Variants in KCNA6 observed in about 807,000 individuals in gnomAD.
KCNA6 encodes the protein potassium voltage-gated channel subfamily A member 6.
Under a neutral mutation model 29.5 loss-of-function variants are expected in KCNA6, and 17 were observed. That is an observed-to-expected ratio of 0.58 (90% CI 0.39 to 0.86). The LOEUF (loss-of-function observed/expected upper bound fraction) is 0.86. Among genes scored for constraint, KCNA6 ranks in the 40% least tolerant of loss-of-function variants. The pLI, the probability that KCNA6 is intolerant of heterozygous loss-of-function variation, is 0.00. For missense variants in KCNA6, 450 were observed against 703.4 expected, an observed-to-expected ratio of 0.64 and a Z score of 4.07; for synonymous variants, 296 against 304.7, an observed-to-expected ratio of 0.97 and a Z score of 0.30.
the KCNA6 span, among the ~76,000 whole-genome samples, chr12:4,821,193 TGGTTGAGCCATAAATCAGCC>T: frequency 2.0e-5 from 3 of 152,042 alleles, no homozygotes; most frequent in Non-Finnish European, 2.9e-5. Context: ...GAAGGCCTGG[TGGTTGAGCCATAAATCAGCC>T]AGGCACTCCC....
the KCNA6 span, among the ~76,000 whole-genome samples, chr12:4,824,400 T>C: frequency 0.04 from 6,149 of 152,298 alleles, 282 homozygotes; most frequent in East Asian, 0.22. Flanking sequence ...GTGACCATGA[T>C]TCAGGTATTA....
At chr12:4,825,467 C>T in the KCNA6 span, among the ~76,000 whole-genome samples, 1 of 152,288 alleles carries the variant, frequency 6.6e-6, no homozygotes, top group African/African-American at 2.4e-5. Context: ...ATAGTAATGT[C>T]TGCTCACATA....
the KCNA6 span, among the ~76,000 whole-genome samples, chr12:4,828,558 A>G: frequency 1.1e-4 from 17 of 152,374 alleles, no homozygotes; most frequent in East Asian, 3.1e-3. Flanking sequence ...TTTCTCACCT[A>G]TAGTAAAACA....
the KCNA6 span, among the ~76,000 whole-genome samples, chr12:4,826,329 C>G: frequency 3.5e-4 from 54 of 152,348 alleles, no homozygotes; most frequent in African/African-American, 1.1e-3. Flanking sequence ...CTGCTCCTCA[C>G]CAACTGGTCC....
chr12:4,830,817 G>C, the KCNA6 span, among the ~76,000 whole-genome samples: 1 of 152,238 alleles, frequency 6.6e-6, no homozygotes, highest in Non-Finnish European at 1.5e-5. Context: ...GGCAATGCGG[G>C]CAGGGGCGCT....
the KCNA6 span, among the ~76,000 whole-genome samples, chr12:4,847,663 T>C: frequency 6.6e-6 from 1 of 152,224 alleles, no homozygotes; most frequent in Non-Finnish European, 1.5e-5. Context: ...CTGAAGTTTT[T>C]TTCTTGCTTC....
At chr12:4,833,452 G>T in the KCNA6 span, among the ~76,000 whole-genome samples, 2 of 152,132 alleles carry the variant, frequency 1.3e-5, no homozygotes, top group African/African-American at 4.8e-5. Context: ...GAGATTTGGA[G>T]TTGGTGCAGT....
downstream of KCNA6, among the ~76,000 whole-genome samples, chr12:4,817,210 A>G (rs1946690964): frequency 6.6e-6 from 1 of 152,218 alleles, no homozygotes; most frequent in East Asian, 1.9e-4. Context: ...ACTAGGTGGT[A>G]GGAGTTCCTC....
At chr12:4,835,852 C>G in the KCNA6 span, among the ~76,000 whole-genome samples, 1 of 152,058 alleles carries the variant, frequency 6.6e-6, no homozygotes, top group Non-Finnish European at 1.5e-5. Context: ...AACCTTCTTT[C>G]TGTTCCAAAA....
exon 1 of KCNA6, chr12:4,809,642 G>T (rs1565401169): frequency 5.7e-6 from 1 of 176,204 alleles, no homozygotes; most frequent in Non-Finnish European, 1.2e-5. Flanking sequence ...AGCGCAGTGG[G>T]AACTGGGAAG....
the KCNA6 span, among the ~76,000 whole-genome samples, chr12:4,842,862 G>A: frequency 6.6e-6 from 1 of 152,202 alleles, no homozygotes; most frequent in Admixed American, 6.5e-5. Flanking sequence ...TGGCCACAGT[G>A]TAATGGATTG....
At chr12:4,824,195 C>A in the KCNA6 span, among the ~76,000 whole-genome samples, 4 of 152,168 alleles carry the variant, frequency 2.6e-5, no homozygotes, top group Non-Finnish European at 4.4e-5. Flanking sequence ...GAGCATTCAG[C>A]AAAAGTTATT....
At chr12:4,826,645 A>G in the KCNA6 span, among the ~76,000 whole-genome samples, 2 of 152,228 alleles carry the variant, frequency 1.3e-5, no homozygotes, top group Non-Finnish European at 2.9e-5. Context: ...TCTTCACTGT[A>G]AAGTGAGGTC....
the KCNA6 span, among the ~76,000 whole-genome samples, chr12:4,830,722 TC>T: frequency 6.6e-6 from 1 of 152,228 alleles, no homozygotes; most frequent in Non-Finnish European, 1.5e-5. Context: ...ACTGTAGACT[TC>T]CTGTGTCAGA....
At chr12:4,825,554 A>G in the KCNA6 span, among the ~76,000 whole-genome samples, 2 of 152,214 alleles carry the variant, frequency 1.3e-5, no homozygotes, top group Admixed American at 6.5e-5. Context: ...ATTTGAGTGC[A>G]TGGACCCTCA....
the KCNA6 span, among the ~76,000 whole-genome samples, chr12:4,826,710 T>C: frequency 6.6e-6 from 1 of 152,246 alleles, no homozygotes; most frequent in Non-Finnish European, 1.5e-5. Context: ...CCCAAGTGTA[T>C]TAATCAGATG....
At chr12:4,845,678 T>C in the KCNA6 span, among the ~76,000 whole-genome samples, 1 of 152,230 alleles carries the variant, frequency 6.6e-6, no homozygotes, top group Non-Finnish European at 1.5e-5. Flanking sequence ...TTTTGCTAAA[T>C]CTGGCAACCT....
downstream of KCNA6, among the ~76,000 whole-genome samples, chr12:4,815,968 G>T (rs1946677312): frequency 6.6e-6 from 1 of 152,192 alleles, no homozygotes; most frequent in African/African-American, 2.4e-5. Flanking sequence ...TAATAGAAAT[G>T]CTGTGAAGCA....
At chr12:4,835,212 G>A in the KCNA6 span, among the ~76,000 whole-genome samples, 1 of 131,526 alleles carries the variant, frequency 7.6e-6, no homozygotes, top group Non-Finnish European at 1.6e-5. Context: ...TCTGCTCACT[G>A]CAAGCTCTGC....
Sources: gnomAD v4.1 joint callset for allele counts (sites outside exome capture counted in the v4.1 genomes callset) on GRCh38, gnomAD v4.1.1 for gene constraint, MANE v1.5 for transcripts, NCBI Gene and HGNC (gene_info 2026-07-23, HGNC 2026-07-21) for gene names.